The following AGT variants were observed in gnomAD, a reference collection of about 807,000 sequenced individuals.
The protein encoded by AGT is angiotensinogen.
Under a neutral mutation model 28.1 loss-of-function variants are expected in AGT, and 26 were observed. The observed-to-expected ratio is 0.92, with a 90% CI of 0.68 to 1.28. AGT has a LOEUF of 1.28. Among genes scored for constraint, AGT ranks in the 50% most tolerant of loss-of-function variants. AGT has a pLI of 0.00. For synonymous variants in AGT, 259 were observed against 259.6 expected, an observed-to-expected ratio of 1.00 and a Z score of 0.02; for missense variants, 596 against 592.3, an observed-to-expected ratio of 1.01 and a Z score of -0.06.
intron 2 of AGT, 108 bp downstream of exon 2, chr1:230,709,887 T>C: frequency 6.6e-7 from 1 of 1,521,280 alleles, no homozygotes; most frequent in Non-Finnish European, 9.1e-7. Context: ...TCACCAGGTA[T>C]GTCCGCAGGG....
chr1:230,733,769 T>G (rs1390463830), intron 1 of AGT, among the ~76,000 whole-genome samples: 2 of 152,188 alleles, frequency 1.3e-5, no homozygotes, highest in Non-Finnish European at 2.9e-5. Flanking sequence ...GGTCATTACA[T>G]TTGATTTGAT....
At chr1:230,711,214 C>A (rs1663580451) in intron 1 of AGT, among the ~76,000 whole-genome samples, 1 of 152,040 alleles carries the variant, frequency 6.6e-6, no homozygotes, top group Non-Finnish European at 1.5e-5. Flanking sequence ...TCTAATATGA[C>A]CTGTGTCCTT....
chr1:230,712,073 T>G (rs555093954), intron 1 of AGT, among the ~76,000 whole-genome samples: 29 of 152,336 alleles, frequency 1.9e-4, no homozygotes, highest in African/African-American at 7.0e-4. Flanking sequence ...CATTCAATTC[T>G]AACATTTTGT....
At position 230,710,101 on chromosome 1, in the gene AGT, C is replaced by T. The variant is rs1424041609; in HGVS notation, c.723G>A (p.Lys241=). ...DFTELDVAAE[K]IDRFMQAVTG... is the part of the protein sequence containing the mutation. ...TCACAGCCTGCATGAACCTGTCAAT[C>T]TTCTCAGCAGCAACATCCAGTTCTG... Residue 241 remains lysine (K), a synonymous_variant, in exon 2 of 5, where the codon AAG becomes AAA. Transcript: ENST00000366667. 16 of 1,614,086 alleles carry T rather than the reference C, an allele frequency of 9.9e-6. No homozygotes were observed. Among genetic ancestry groups the T allele is most frequent in the Non-Finnish European group, 1.4e-5 (16 of 1,180,040 alleles).
At chr1:230,715,600 T>C (rs553209744), upstream of AGT, among the ~76,000 whole-genome samples, 9 of 152,346 alleles carry the variant, frequency 5.9e-5, no homozygotes, top group South Asian at 1.4e-3. Flanking sequence ...GTTGGAACAG[T>C]AGAGACTGGG....
chr1:230,734,915 C>T (rs1290503281), intron 1 of AGT, among the ~76,000 whole-genome samples: 1 of 151,972 alleles, frequency 6.6e-6, no homozygotes, highest in Non-Finnish European at 1.5e-5. Context: ...AGGGTTTCAC[C>T]ATGTTGGCCA....
chr1:230,706,211 G>C lies in AGT; in HGVS notation c.830-11C>G, dbSNP rs374691846. The C allele has an allele frequency of 4.3e-6, 7 of 1,612,390 alleles. No individual in the cohort carries two copies. The highest frequency in any genetic ancestry group is 5.9e-6 in the Non-Finnish European group (7 of 1,179,116). On this transcript the variant is annotated splice_polypyrimidine_tract_variant and intron_variant, in intron 2 of 4. Coordinates refer to ENST00000366667, the MANE Select transcript of AGT (RefSeq NM_001384479.1). ...AGCCCTTCATCTTCCCTGAAATCCA[G>C]ACAGGAGACAGGGAGGGAAGAGTCA...
intron 1 of AGT, among the ~76,000 whole-genome samples, chr1:230,733,632 A>G (rs1664106426): frequency 6.6e-6 from 1 of 152,240 alleles, no homozygotes; most frequent in Non-Finnish European, 1.5e-5. Context: ...AGGCACTAGA[A>G]GGACAGACTT....
At chr1:230,711,875 T>C (rs1663602001) in intron 1 of AGT, among the ~76,000 whole-genome samples, 1 of 151,098 alleles carries the variant, frequency 6.6e-6, no homozygotes, top group South Asian at 2.1e-4. Context: ...AAGCAGGGTT[T>C]AGAACCCCTG....
chr1:230,712,199 C>T (rs756454763), intron 1 of AGT, among the ~76,000 whole-genome samples: 2 of 152,310 alleles, frequency 1.3e-5, no homozygotes, highest in South Asian at 4.2e-4. Flanking sequence ...CGTGTCATCA[C>T]TGACTCAAGG....
upstream of AGT, chr1:230,714,313 G>C (rs1663681094): frequency 6.6e-6 from 1 of 152,414 alleles, no homozygotes; most frequent in East Asian, 1.9e-4. Context: ...TCGATGCAGA[G>C]TTTCACTGCT....
At chr1:230,705,788 G>A (rs1290319057) in intron 3 of AGT, 145 bp downstream of exon 3, 8 of 1,002,258 alleles carry the variant, frequency 8.0e-6, no homozygotes, top group Non-Finnish European at 1.5e-6. Context: ...AGACACACAG[G>A]CCGCCTGCCC....
rs769416248 is a variant in AGT at position 230,703,211 on chromosome 1, G to A, written c.1361C>T (p.Ala454Val). The stretch of plus-strand genomic sequence containing the variant: ...GGCAGTGGCGCTTTGATCATACACA[G>A]CAAACAGGAATGGGCGGTTCAGGGT... ...EVTLNRPFLF[A>V]VYDQSATALH... is the part of the protein sequence containing the mutation. The change falls in exon 5 of 5, where the codon GCT becomes GTT. Residue 454 changes from alanine (A) to valine (V), a missense_variant. Ala to Val is a moderately conservative substitution (Grantham distance 64). Coordinates refer to ENST00000366667, the MANE Select transcript of AGT (RefSeq NM_001384479.1). 6 of 1,614,118 alleles carry A rather than the reference G, an allele frequency of 3.7e-6. No homozygotes were observed. In the South Asian group the frequency reaches 4.4e-5, roughly 12 times the overall value.
In AGT at chr1:230,706,151, C is replaced by T; in HGVS notation, c.879G>A (p.Val293=). The change falls in exon 3 of 5, where the codon GTG becomes GTA. Residue 293 remains valine (V), a synonymous_variant. Transcript: ENST00000366667. ...SLLAEPQEFW[V]DNSTSVSVPM... is the part of the protein sequence containing the mutation. ...GAACAGACACTGAGGTGCTGTTGTC[C>T]ACCCAGAACTCCTGGGGCTCGGCCA... 6.2e-7 allele frequency: 1 copy of T among 1,613,982 alleles called. No individual in the cohort carries two copies.
intron 2 of AGT, among the ~76,000 whole-genome samples, chr1:230,707,234 C>A (rs1295852549): frequency 6.6e-6 from 1 of 152,220 alleles, no homozygotes; most frequent in East Asian, 1.9e-4. Context: ...CAGCAGCCCA[C>A]CCTCTGCCTC....
chr1:230,714,954 T>A (rs576919343), upstream of AGT, among the ~76,000 whole-genome samples: 37 of 152,224 alleles, frequency 2.4e-4, no homozygotes, highest in Middle Eastern at 3.4e-3. Flanking sequence ...TGATCACAAG[T>A]GACGCAGTGG....
At chr1:230,745,543 A>G (rs1664337173) in exon 1 of AGT, among the ~76,000 whole-genome samples, 1 of 152,228 alleles carries the variant, frequency 6.6e-6, no homozygotes, top group African/African-American at 2.4e-5. Context: ...TCCAAGATCA[A>G]GGCACTGGCA....
chr1:230,737,803 G>A lies in AGT; in HGVS notation c.-31+7712C>T, dbSNP rs567821573. Among the ~76,000 whole-genome samples the A allele has an allele frequency of 1.6e-4, 25 of 152,188 alleles. 1 individual carries two copies. The South Asian group carries it at 5.0e-3, about 30-fold the overall frequency. On this transcript the variant is annotated intron_variant, in intron 1 of 4. Coordinates refer to the AGT transcript ENST00000681269. ...AATTCAATGATTTTTAGCATATTTA[G>A]AGTTGTGCAACCACCACCACAGTCA... is the stretch of plus-strand genomic sequence containing the variant.
chr1:230,726,741 T>C (rs528628259), intron 1 of AGT, among the ~76,000 whole-genome samples: 2 of 152,284 alleles, frequency 1.3e-5, no homozygotes, highest in South Asian at 4.2e-4. Flanking sequence ...TAATTCAAAC[T>C]GGGAGAATCA....
Sources: allele counts gnomAD v4.1 joint callset (sites outside exome capture counted in the v4.1 genomes callset), GRCh38; gene constraint gnomAD v4.1.1; transcripts MANE v1.5; gene names NCBI Gene and HGNC (gene_info 2026-07-23, HGNC 2026-07-21).